Variants in KIAA0753 observed in about 807,000 individuals in gnomAD.
KIAA0753 encodes the protein protein moonraker.
In KIAA0753, 114 loss-of-function variants were observed where a neutral mutation model predicts 116.9. That is an observed-to-expected ratio of 0.98 (90% CI 0.84 to 1.14). The LOEUF is 1.14. Ranked by LOEUF, KIAA0753 falls within the 50% of genes most tolerant of loss-of-function variation. The pLI, the probability that KIAA0753 is intolerant of heterozygous loss-of-function variation, is 0.00. For synonymous variants in KIAA0753, 405 were observed against 413.1 expected, an observed-to-expected ratio of 0.98 and a Z score of 0.24; for missense variants, 1,156 against 1,172.4, an observed-to-expected ratio of 0.99 and a Z score of 0.20.
At chr17:6,637,840 G>A (rs768919547) in intron 1 of KIAA0753, 1 of 152,494 alleles carries the variant, frequency 6.6e-6, no homozygotes, top group African/African-American at 2.4e-5. Flanking sequence ...ACTAGCTGCA[G>A]ACAGCCCCAC....
chr17:6,623,404 A>G, intron 5 of KIAA0753, 105 bp downstream of exon 5: 1 of 912,022 alleles, frequency 1.1e-6, no homozygotes, highest in Non-Finnish European at 1.7e-6. Flanking sequence ...GGTTTCTGCA[A>G]GTACTGAAAA....
At position 6,627,148 on chromosome 17, in the gene KIAA0753, G is replaced by A. The variant is rs79600409; in HGVS notation, c.718+969C>T. ...TACACAATTGTTTTTTTCTGTCTTA[G>A]ACTTTGTAAATTCTCCAAGTGATTT... On this transcript the variant is annotated intron_variant, in intron 3 of 18. Coordinates refer to ENST00000361413, the MANE Select transcript of KIAA0753 (RefSeq NM_014804.3). 9.8e-3 allele frequency among the ~76,000 whole-genome samples: 1,493 copies of A among 152,166 alleles called. 30 individuals carry two copies. The highest frequency in any genetic ancestry group is 0.033 in the African/African-American group (1,390 of 41,504).
chr17:6,628,021 G>T, intron 3 of KIAA0753, 96 bp downstream of exon 3: 1 of 1,191,978 alleles, frequency 8.4e-7, no homozygotes, highest in Non-Finnish European at 1.2e-6. Context: ...AGGAAAGAAT[G>T]AAATTGCTAT....
chr17:6,579,651 T>G lies in KIAA0753; in HGVS notation c.*96A>C. The G allele has an allele frequency of 1.2e-6, 1 of 829,340 alleles. No individual in the cohort carries two copies. 51.4% of individuals were successfully genotyped at this position (829,340 alleles called of 1,614,324 possible). On this transcript the variant is annotated 3_prime_UTR_variant, in exon 19 of 19. Transcript: ENST00000361413. ...GTGGGCAGCACCTTCTGGGCCTGGATGGACAGCTGAGGATGAAAATTTCCT... is the reference window on the plus strand; with the variant it reads ...GTGGGCAGCACCTTCTGGGCCTGGAGGGACAGCTGAGGATGAAAATTTCCT...
intron 7 of KIAA0753, among the ~76,000 whole-genome samples, chr17:6,620,027 A>G (rs895843657): frequency 3.3e-5 from 5 of 152,220 alleles, no homozygotes; most frequent in Admixed American, 1.3e-4. Context: ...GACCAACAAA[A>G]TGCAGTATCC....
rs752553305 is a variant in KIAA0753, at chr17:6,589,905, G to A, written c.2660C>T (p.Ala887Val). ...AEDSQQKEGR[A>V]PLFVPPGMQH... ...CATACCCGGTGGGACAAAGAGGGGA[G>A]CTCGGCCTTCTTTCTGTTGAGAATC... The change falls in exon 18 of 19, where the codon GCT becomes GTT. Residue 887 changes from alanine (A) to valine (V), a missense_variant. By Grantham distance (64) the Ala-to-Val change is moderately conservative (BLOSUM62 0). Transcript: ENST00000361413. 6 of 1,613,406 alleles carry A rather than the reference G, an allele frequency of 3.7e-6. No homozygotes were observed. The East Asian group carries it at 8.9e-5, about 24-fold the overall frequency.
intron 10 of KIAA0753, among the ~76,000 whole-genome samples, chr17:6,607,816 T>C (rs1244927019): frequency 1.3e-5 from 2 of 152,230 alleles, no homozygotes; most frequent in Non-Finnish European, 2.9e-5. Context: ...GTTCTCTTCT[T>C]ATGGAATGTT....
At chr17:6,607,798 T>G (rs1219594410) in intron 10 of KIAA0753, among the ~76,000 whole-genome samples, 1 of 152,202 alleles carries the variant, frequency 6.6e-6, no homozygotes, top group East Asian at 1.9e-4. Flanking sequence ...GAGAAACCTG[T>G]TCTCACTGTT....
Position 6,620,784 on chromosome 17 carries a change from A to C in KIAA0753, c.1315+4T>G. 1 of 1,613,750 alleles carries C rather than the reference A, an allele frequency of 6.2e-7. No homozygotes were observed. The highest frequency in any genetic ancestry group is 8.5e-7 in the Non-Finnish European group (1 of 1,179,618). ...TCTTACAATAAACACTTTAAGACACATACCGGCAAGAAGCTGCTTTGCTAC... is the reference window on the plus strand; with the variant it reads ...TCTTACAATAAACACTTTAAGACACCTACCGGCAAGAAGCTGCTTTGCTAC... On this transcript the variant is annotated splice_donor_region_variant and intron_variant, in intron 7 of 18. Coordinates refer to ENST00000361413, the MANE Select transcript of KIAA0753 (RefSeq NM_014804.3).
intron 1 of KIAA0753, chr17:6,638,406 G>A (rs751561224): frequency 8.5e-5 from 13 of 153,132 alleles, no homozygotes; most frequent in Admixed American, 2.0e-4. Context: ...TTCCAGAGCC[G>A]GGCACACCCA....
At chr17:6,602,910 G>GA (rs1190999591) in intron 12 of KIAA0753, among the ~76,000 whole-genome samples, 3 of 151,560 alleles carry the variant, frequency 2.0e-5, no homozygotes, top group East Asian at 1.9e-4. Flanking sequence ...TCTGAGGAAG[G>GA]AAAAAAAAGA....
Position 6,591,056 on chromosome 17 carries a change from GAAGAAGAAGAAGAAGAAGAAGAA to G in KIAA0753, c.2441-449_2441-427del, listed in dbSNP as rs1969001484. On this transcript the variant is annotated intron_variant, in intron 16 of 18. Transcript: ENST00000361413. ...AAGGAAGAAGGAAGAAGAAGAAGAA[GAAGAAGAAGAAGAAGAAGAAGAA>G]GAAGAAGAAGAAGAAGAAGAAGAAG... is the stretch of plus-strand genomic sequence containing the variant. Among the ~76,000 whole-genome samples the G allele has an allele frequency of 7.6e-5, 7 of 92,548 alleles. 1 individual carries two copies. The highest frequency in any genetic ancestry group is 1.1e-4 in the Non-Finnish European group (5 of 44,116). The allele number at this position is 92,548 out of a possible 152,430, so 60.7% of individuals were successfully genotyped here.
At chr17:6,614,778 T>C (rs1246893242) in intron 7 of KIAA0753, among the ~76,000 whole-genome samples, 1 of 152,138 alleles carries the variant, frequency 6.6e-6, no homozygotes, top group Non-Finnish European at 1.5e-5. Context: ...CAATGGGAAA[T>C]TCCAGAAATA....
In KIAA0753 at chr17:6,623,002, T is replaced by C. The variant is rs778004539; in HGVS notation, c.984A>G (p.Pro328=). The C allele has an allele frequency of 6.2e-7, 1 of 1,614,166 alleles. No individual in the cohort carries two copies. The highest frequency in any genetic ancestry group is 8.5e-7 in the Non-Finnish European group (1 of 1,180,016). ...VTQFTDRGEH[P]LPARCKELGS... The stretch of plus-strand genomic sequence containing the variant: ...CCAGTTCCTTACACCGAGCAGGAAG[T>C]GGATGCTCCCCTCGGTCAGTAAACT... Residue 328 remains proline, a synonymous_variant, in exon 6 of 19, where the codon CCA becomes CCG. Transcript: ENST00000361413.
At chr17:6,589,240 C>G (rs941060185) in intron 18 of KIAA0753, among the ~76,000 whole-genome samples, 1 of 152,130 alleles carries the variant, frequency 6.6e-6, no homozygotes, top group African/African-American at 2.4e-5. Context: ...GATCAGTGCC[C>G]TTCTGAGAAG....
chr17:6,630,692 T>C (rs1971971473), intron 2 of KIAA0753, among the ~76,000 whole-genome samples: 1 of 151,992 alleles, frequency 6.6e-6, no homozygotes. Context: ...TGAAGGAGAG[T>C]AGCTGAGTAA....
chr17:6,614,303 A>G (rs1369614377), intron 7 of KIAA0753, among the ~76,000 whole-genome samples: 1 of 152,184 alleles, frequency 6.6e-6, no homozygotes, highest in Non-Finnish European at 1.5e-5. Context: ...TGCACAGAGG[A>G]AGCCAGGAAC....
chr17:6,628,501 G>C lies in KIAA0753; in HGVS notation c.334C>G (p.Gln112Glu), dbSNP rs756928654. ...HLARRDVKRR[Q>E]FEKHIKEHHL... ...TGTTCTTTTATATGTTTTTCAAATT[G>C]TCTTCGTTTCACATCTCTTCTGGCT... is the stretch of plus-strand genomic sequence containing the variant. The change falls in exon 3 of 19, where the codon CAA becomes GAA. Residue 112 changes from glutamine (Q) to glutamate (E), a missense_variant. Gln to Glu is a conservative substitution (Grantham distance 29). Transcript: ENST00000361413. The C allele has an allele frequency of 5.6e-6, 9 of 1,614,156 alleles. No homozygotes were observed. In the Admixed American group the frequency reaches 1.5e-4, roughly 27 times the overall value.
chr17:6,637,884 T>C, intron 1 of KIAA0753: 1 of 153,082 alleles, frequency 6.5e-6, no homozygotes, highest in Non-Finnish European at 1.5e-5. Context: ...GCTGCCTCCC[T>C]GACAAGCCTG....
Sources: gnomAD v4.1 joint callset for allele counts (sites outside exome capture counted in the v4.1 genomes callset) on GRCh38, gnomAD v4.1.1 for gene constraint, MANE v1.5 for transcripts, NCBI Gene and HGNC (gene_info 2026-07-23, HGNC 2026-07-21) for gene names.